Variants in ATP11C observed in about 807,000 individuals in gnomAD.
ATP11C encodes the protein phospholipid-transporting ATPase IG.
ATP11C carries 36 observed loss-of-function variants against 97.4 expected under a neutral mutation model. The ratio of observed to expected loss-of-function variants is 0.37; its 90% CI spans 0.28 to 0.49. The LOEUF (loss-of-function observed/expected upper bound fraction) is 0.49, where lower values mean the gene tolerates loss of function less well. ATP11C is among the 20% of genes least tolerant of loss of function. ATP11C has a pLI of 0.98. For missense variants in ATP11C, 730 were observed against 824.6 expected, an observed-to-expected ratio of 0.89 and a Z score of 1.40; for synonymous variants, 275 against 290.9, an observed-to-expected ratio of 0.95 and a Z score of 0.56.
At chrX:139,803,827 T>C (rs1487856308) in intron 6 of ATP11C, among the ~76,000 whole-genome samples, 8 of 103,119 alleles carry the variant, frequency 7.8e-5, no homozygotes, top group Non-Finnish European at 1.4e-4. Context: ...GCCTCCCGAG[T>C]AGCTGGAATT....
Position 139,727,003 on chromosome X carries a change from G to A in ATP11C, c.*1963C>T, listed in dbSNP as rs767489333. 1 of 111,762 alleles carries A rather than the reference G, an allele frequency of 8.9e-6. No individual in the cohort carries two copies. Among genetic ancestry groups the A allele is most frequent in the South Asian group, 3.7e-4 (1 of 2,674 alleles). The allele number at this position is 111,762 out of a possible 1,213,427, so 9.2% of individuals were successfully genotyped here. A position where few individuals can be genotyped will look rare whatever the true frequency, so the allele number is the denominator to read the frequency against. ...TGAATTTGAGCTGCAGTATCACAAT[G>A]TAATGTGTAGCTGAGACATAACTCT... On this transcript the variant is annotated 3_prime_UTR_variant, in exon 30 of 30. Transcript: ENST00000682941.
intron 1 of ATP11C, among the ~76,000 whole-genome samples, chrX:139,886,162 A>G (rs1013520933): frequency 9.8e-5 from 11 of 112,101 alleles, no homozygotes; most frequent in Non-Finnish European, 1.7e-4. Context: ...ACTACTAGAT[A>G]TAATTAGTGA....
chrX:139,880,585 G>A (rs1341816841), intron 1 of ATP11C, among the ~76,000 whole-genome samples: 1 of 111,044 alleles, frequency 9.0e-6, no homozygotes, highest in Non-Finnish European at 1.9e-5. Context: ...AGTAGTAAAA[G>A]ACAAGTAAAG....
At chrX:139,770,011 T>G (rs888980725) in intron 19 of ATP11C, among the ~76,000 whole-genome samples, 4 of 111,929 alleles carry the variant, frequency 3.6e-5, no homozygotes, top group Non-Finnish European at 5.6e-5. Flanking sequence ...ACAAATATTT[T>G]GCTGTATAAT....
At chrX:139,760,037 T>C (rs888800050) in intron 22 of ATP11C, among the ~76,000 whole-genome samples, 7 of 111,832 alleles carry the variant, frequency 6.3e-5, no homozygotes, top group African/African-American at 2.0e-4. Flanking sequence ...TGAGCTGCTG[T>C]TACTGGGTGC....
At chrX:139,799,031 G>A (rs1405155761) in intron 8 of ATP11C, among the ~76,000 whole-genome samples, 1 of 111,274 alleles carries the variant, frequency 9.0e-6, no homozygotes, top group East Asian at 2.8e-4. Context: ...AGCAAGACGA[G>A]AACAGAACAG....
At chrX:139,782,870 CA>C in intron 17 of ATP11C, 142 bp from the exon 18 acceptor site, 1 of 440,798 alleles carries the variant, frequency 2.3e-6, no homozygotes, top group Non-Finnish European at 3.6e-6. Context: ...GAAGAAATTA[CA>C]ACTGAAAAGG....
At chrX:139,849,239 A>G (rs1432017991) in intron 1 of ATP11C, among the ~76,000 whole-genome samples, 1 of 111,576 alleles carries the variant, frequency 9.0e-6, no homozygotes, top group Non-Finnish European at 1.9e-5. Context: ...CTATCTCCCC[A>G]TATTTTTTGA....
chrX:139,895,768 T>G (rs184305127), intron 1 of ATP11C, among the ~76,000 whole-genome samples: 1 of 111,936 alleles, frequency 8.9e-6, no homozygotes, highest in East Asian at 2.8e-4. Flanking sequence ...CACAGTGAGA[T>G]GTATTTTTTC....
chrX:139,909,370 T>G (rs1180905304), intron 1 of ATP11C, among the ~76,000 whole-genome samples: 2 of 111,127 alleles, frequency 1.8e-5, no homozygotes, highest in African/African-American at 3.3e-5. Flanking sequence ...TGACCTCAGG[T>G]GATCCACCCG....
At chrX:139,786,330 G>A (rs991089982) in intron 15 of ATP11C, among the ~76,000 whole-genome samples, 2 of 111,541 alleles carry the variant, frequency 1.8e-5, no homozygotes, top group Non-Finnish European at 3.8e-5. Context: ...TTAGTCTTGC[G>A]GGAGTATATG....
Position 139,910,345 on chromosome X carries a change from G to A in ATP11C, c.27+21671C>T, listed in dbSNP as rs771721898. Among the ~76,000 whole-genome samples, 19 of 111,246 alleles carry A rather than the reference G, an allele frequency of 1.7e-4. No individual in the cohort carries two copies. In the East Asian group the frequency reaches 5.4e-3, roughly 31 times the overall value. ...AGCCAAAATAAAAGAATTATGGGCT[G>A]CCTGTAATCCCAGCACTTTGGGAGG... On this transcript the variant is annotated intron_variant, in intron 1 of 29. Coordinates refer to ENST00000682941, the MANE Select transcript of ATP11C (RefSeq NM_001353812.2).
chrX:139,729,952 C>T (rs980340133), intron 29 of ATP11C, among the ~76,000 whole-genome samples: 1 of 111,216 alleles, frequency 9.0e-6, no homozygotes, highest in Non-Finnish European at 1.9e-5. Flanking sequence ...GGTAGCTCTG[C>T]AGGGTCATGG....
chrX:139,898,561 G>A (rs377020523), intron 1 of ATP11C, among the ~76,000 whole-genome samples: 1 of 111,183 alleles, frequency 9.0e-6, no homozygotes, highest in Admixed American at 9.6e-5. Flanking sequence ...ACGTGGGGAT[G>A]AGTAGATGTG....
intron 16 of ATP11C, among the ~76,000 whole-genome samples, chrX:139,784,269 GT>G (rs376184324): frequency 3.8e-4 from 41 of 106,668 alleles, no homozygotes; most frequent in Non-Finnish European, 5.7e-4. Context: ...GAAATGTTGT[GT>G]TTTTTTTTTC....
At chrX:139,806,868 C>A (rs2083055659) in intron 5 of ATP11C, among the ~76,000 whole-genome samples, 1 of 111,401 alleles carries the variant, frequency 9.0e-6, no homozygotes, top group African/African-American at 3.3e-5. Context: ...AGGCAGGAAA[C>A]CTTCCCTGGC....
At chrX:139,760,757 T>C (rs187713427) in intron 22 of ATP11C, among the ~76,000 whole-genome samples, 77 of 111,676 alleles carry the variant, frequency 6.9e-4, no homozygotes, top group Middle Eastern at 9.3e-3. Flanking sequence ...TGTCCAATAT[T>C]GGGGATTTGC....
rs1480145127 is a variant in ATP11C at position 139,814,999 on chromosome X, A to G, written c.319-14T>C. 4.1e-6 allele frequency: 4 copies of G among 982,641 alleles called. No homozygotes were observed. The highest frequency in any genetic ancestry group is 2.2e-5 in the South Asian group (1 of 45,019). The allele number at this position is 982,641 out of a possible 1,213,427, so 81.0% of individuals were successfully genotyped here. On this transcript the variant is annotated splice_polypyrimidine_tract_variant and intron_variant, in intron 4 of 29. Transcript: ENST00000682941. ...ATCCTCATATCCCTGAAAGATAAAA[A>G]TAACTATATAATTGAGTTCTGATAA...
intron 25 of ATP11C, among the ~76,000 whole-genome samples, chrX:139,744,882 C>A (rs2081647232): frequency 9.0e-6 from 1 of 111,663 alleles, no homozygotes; most frequent in East Asian, 2.8e-4. Context: ...ACTGTAGTGC[C>A]TAATTTTAAA....
Sources: allele counts gnomAD v4.1 joint callset (sites outside exome capture counted in the v4.1 genomes callset), GRCh38; gene constraint gnomAD v4.1.1; transcripts MANE v1.5; gene names NCBI Gene and HGNC (gene_info 2026-07-23, HGNC 2026-07-21).